The following ATP9A variants were observed in gnomAD, a reference collection of about 807,000 sequenced individuals.
The protein encoded by ATP9A is ATPase phospholipid transporting 9A.
In ATP9A, 52 loss-of-function variants were observed where a neutral mutation model predicts 144.1. The ratio of observed to expected loss-of-function variants is 0.36; its 90% confidence interval spans 0.29 to 0.45. ATP9A has a LOEUF of 0.45. ATP9A is among the 20% of genes least tolerant of loss of function. The probability of loss-of-function intolerance (pLI) is 1.00; values close to 1 mark genes in which losing one functional copy is unlikely to be tolerated. For synonymous variants in ATP9A, 582 were observed against 557.4 expected, an observed-to-expected ratio of 1.04 and a Z score of -0.62; for missense variants, 947 against 1,392.7, an observed-to-expected ratio of 0.68 and a Z score of 5.09.
At chr20:51,721,778 G>T (rs2077690239) in intron 3 of ATP9A, among the ~76,000 whole-genome samples, 1 of 142,474 alleles carries the variant, frequency 7.0e-6, no homozygotes, top group African/African-American at 2.6e-5. Context: ...TCCAGCCTGG[G>T]TGACAGAGCA....
intron 1 of ATP9A, among the ~76,000 whole-genome samples, chr20:51,756,827 A>G (rs1335007551): frequency 6.6e-6 from 1 of 152,190 alleles, no homozygotes; most frequent in Non-Finnish European, 1.5e-5. Context: ...TAATTACTAA[A>G]TCAGAAAGCT....
chr20:51,763,474 A>G (rs111674776), intron 1 of ATP9A, among the ~76,000 whole-genome samples: 48,841 of 151,110 alleles, frequency 0.32, 7,798 homozygotes, highest in Middle Eastern at 0.39. Context: ...CACCACACCC[A>G]GCTAATTTTT....
intron 4 of ATP9A, among the ~76,000 whole-genome samples, chr20:51,710,217 C>T (rs945614373): frequency 2.6e-5 from 4 of 152,040 alleles, no homozygotes; most frequent in East Asian, 3.9e-4. Flanking sequence ...GCAGGAGAAT[C>T]GCTTAAACCC....
intron 9 of ATP9A, among the ~76,000 whole-genome samples, chr20:51,676,522 A>G (rs1241062349): frequency 6.6e-6 from 1 of 152,178 alleles, no homozygotes; most frequent in African/African-American, 2.4e-5. Flanking sequence ...CTTGTTCCCC[A>G]GGCTGGAATG....
chr20:51,663,577 G>A (rs1393323135), intron 13 of ATP9A, among the ~76,000 whole-genome samples: 1 of 151,880 alleles, frequency 6.6e-6, no homozygotes, highest in South Asian at 2.1e-4. Context: ...GGCGGATCAC[G>A]AGGTCAGGAG....
At position 51,697,601 on chromosome 20, in the gene ATP9A, C is replaced by T. The variant is rs544085121; in HGVS notation, c.437-119G>A. On this transcript the variant is annotated intron_variant, in intron 4 of 27. Transcript: ENST00000338821. Reference sequence around the variant, plus strand: ...ACCCAGAAGTACACGCTCCCACACACAGCTGCCAGTGACTCCAGCACCATT... The same window carrying T: ...ACCCAGAAGTACACGCTCCCACACATAGCTGCCAGTGACTCCAGCACCATT... The T allele has an allele frequency of 1.4e-5, 12 of 845,802 alleles. No individual in the cohort carries two copies. In the African/African-American group the frequency reaches 1.8e-4, roughly 13 times the overall value. 52.4% of individuals were successfully genotyped at this position (845,802 alleles called of 1,614,324 possible).
At chr20:51,758,439 G>A (rs1252916624) in intron 1 of ATP9A, among the ~76,000 whole-genome samples, 5 of 152,116 alleles carry the variant, frequency 3.3e-5, no homozygotes, top group Admixed American at 3.3e-4. Context: ...TTCCATCTGG[G>A]TAAAGACACT....
intron 9 of ATP9A, among the ~76,000 whole-genome samples, chr20:51,684,265 C>T (rs2077512594): frequency 1.3e-5 from 2 of 152,174 alleles, no homozygotes; most frequent in South Asian, 4.1e-4. Flanking sequence ...CCAAGTGAAA[C>T]AGTCATTGCA....
intron 1 of ATP9A, among the ~76,000 whole-genome samples, chr20:51,741,558 T>C (rs1245414634): frequency 3.3e-5 from 5 of 151,756 alleles, no homozygotes; most frequent in Non-Finnish European, 5.9e-5. Flanking sequence ...GCCTGGACAA[T>C]AAGAGCAAAA....
chr20:51,745,198 C>T (rs2077802597), intron 1 of ATP9A, among the ~76,000 whole-genome samples: 1 of 149,352 alleles, frequency 6.7e-6, no homozygotes, highest in African/African-American at 2.5e-5. Flanking sequence ...ACCCGAGAGG[C>T]AGAGGCTGCA....
At position 51,600,871 on chromosome 20, in the gene ATP9A, C is replaced by T. The variant is rs145008765; in HGVS notation, c.*340G>A. 1,616 of 198,234 alleles carry T rather than the reference C, an allele frequency of 8.2e-3. 32 individuals carry two copies. The highest frequency in any genetic ancestry group is 0.036 in the African/African-American group (1,541 of 43,064). 12.3% of individuals were successfully genotyped at this position (198,234 alleles called of 1,614,324 possible). Reference sequence around the variant, plus strand: ...AAGCCTTCTACAACCTTCAGCTACACAGAAACTTTTATCATGTGACAACAA... The same window carrying T: ...AAGCCTTCTACAACCTTCAGCTACATAGAAACTTTTATCATGTGACAACAA... On this transcript the variant is annotated 3_prime_UTR_variant, in exon 28 of 28. Transcript: ENST00000338821.
Position 51,610,227 on chromosome 20 carries a change from A to G in ATP9A, c.2572-62T>C. 6 of 1,368,968 alleles carry G rather than the reference A, an allele frequency of 4.4e-6. No homozygotes were observed. In the South Asian group the frequency reaches 4.7e-5, roughly 11 times the overall value. 84.8% of individuals were successfully genotyped at this position (1,368,968 alleles called of 1,614,324 possible). A position where few individuals can be genotyped will look rare whatever the true frequency, so the allele number is the denominator to read the frequency against. On this transcript the variant is annotated intron_variant, in intron 23 of 27. Coordinates refer to ENST00000338821, the MANE Select transcript of ATP9A (RefSeq NM_006045.3). ...ATGACAAAATCCCTTACATTTACAG[A>G]ATAAAAATAACACCTGATACTTACA...
intron 14 of ATP9A, among the ~76,000 whole-genome samples, chr20:51,652,001 G>A (rs949484261): frequency 3.3e-5 from 5 of 152,022 alleles, no homozygotes; most frequent in East Asian, 1.9e-4. Flanking sequence ...CATGGACAGA[G>A]CTGATCCTAG....
intron 25 of ATP9A, among the ~76,000 whole-genome samples, chr20:51,608,241 G>A (rs1051679150): frequency 3.3e-5 from 5 of 152,074 alleles, no homozygotes; most frequent in Non-Finnish European, 5.9e-5. Flanking sequence ...GAACTGTCAG[G>A]GGCTTTTTGC....
At chr20:51,655,053 G>C (rs1022434978) in intron 14 of ATP9A, among the ~76,000 whole-genome samples, 1 of 152,178 alleles carries the variant, frequency 6.6e-6, no homozygotes, top group Admixed American at 6.6e-5. Context: ...GATGTTCATT[G>C]CAAAATACTT....
At chr20:51,610,261 G>C in intron 23 of ATP9A, 96 bp from the exon 24 acceptor site, 1 of 950,894 alleles carries the variant, frequency 1.1e-6, no homozygotes. Flanking sequence ...CATAACACCC[G>C]CGCCGGCACT....
chr20:51,675,503 G>A (rs147491167), intron 10 of ATP9A, among the ~76,000 whole-genome samples: 3 of 152,320 alleles, frequency 2.0e-5, no homozygotes, highest in East Asian at 1.9e-4. Context: ...CACTCACAGG[G>A]CTGTTATGAA....
chr20:51,598,128 C>T lies in ATP9A; in HGVS notation c.*3083G>A, dbSNP rs2077127044. On this transcript the variant is annotated 3_prime_UTR_variant, in exon 28 of 28. Coordinates refer to ENST00000338821, the MANE Select transcript of ATP9A (RefSeq NM_006045.3). ...CAAAATGAGGATCAAAACTGTCCCA[C>T]ATAAGAAATTACTCAAGATGGAAAA... 1 of 134,164 alleles carries T rather than the reference C, an allele frequency of 7.5e-6. No individual in the cohort carries two copies. The highest frequency in any genetic ancestry group is 2.2e-4 in the East Asian group (1 of 4,638). 8.3% of individuals were successfully genotyped at this position (134,164 alleles called of 1,614,324 possible). A position where few individuals can be genotyped will look rare whatever the true frequency, so the allele number is the denominator to read the frequency against.
At position 51,729,815 on chromosome 20, in the gene ATP9A, G is replaced by T. The variant is rs8118392; in HGVS notation, c.213+19C>A. ...TGTGATGGAAAAAAGAAAAGAGCAC[G>T]GTCCCTGCCTGCACGTACCCCAGGA... On this transcript the variant is annotated intron_variant, in intron 2 of 27. Coordinates refer to ENST00000338821, the MANE Select transcript of ATP9A (RefSeq NM_006045.3). 1 of 1,537,184 alleles carries T rather than the reference G, an allele frequency of 6.5e-7. No individual in the cohort carries two copies. The highest frequency in any genetic ancestry group is 8.7e-7 in the Non-Finnish European group (1 of 1,147,104).
Sources: gnomAD v4.1 joint callset for allele counts (sites outside exome capture counted in the v4.1 genomes callset) on GRCh38, gnomAD v4.1.1 for gene constraint, MANE v1.5 for transcripts, NCBI Gene and HGNC (gene_info 2026-07-23, HGNC 2026-07-21) for gene names.